ASTN2: variants seen among roughly 807,000 people sequenced by gnomAD.
The protein encoded by ASTN2 is astrotactin 2.
Under a neutral mutation model 139.8 loss-of-function variants are expected in ASTN2, and 54 were observed. The observed-to-expected ratio is 0.39, with a 90% CI of 0.31 to 0.48. The LOEUF (loss-of-function observed/expected upper bound fraction) is 0.48, where lower values mean the gene tolerates loss of function less well. ASTN2 is among the 20% of genes least tolerant of loss of function. ASTN2 has a pLI of 0.95. For synonymous variants in ASTN2, 756 were observed against 719.5 expected (o/e 1.05, Z -0.81); for missense variants, 1,565 against 1,725.1 (o/e 0.91, Z 1.64).
At chr9:116,662,117 G>A (rs1337474106) in intron 16 of ASTN2, among the ~76,000 whole-genome samples, 2 of 152,030 alleles carry the variant, frequency 1.3e-5, no homozygotes, top group Non-Finnish European at 2.9e-5. Context: ...TCCTGCAATT[G>A]AGTACAAGTA....
At chr9:116,812,572 A>C (rs1482687309) in intron 12 of ASTN2, among the ~76,000 whole-genome samples, 7 of 152,208 alleles carry the variant, frequency 4.6e-5, no homozygotes, top group African/African-American at 1.4e-4. Flanking sequence ...TGAGAACTGT[A>C]AAATAAAGTG....
chr9:117,398,314 G>C (rs182788603), intron 1 of ASTN2, among the ~76,000 whole-genome samples: 1 of 152,238 alleles, frequency 6.6e-6, no homozygotes, highest in Admixed American at 6.5e-5. Context: ...CCAATATATT[G>C]TACATGGAGA....
At chr9:117,214,851 A>C in intron 2 of ASTN2, 109 bp from the exon 3 acceptor site, 75 of 1,232,376 alleles carry the variant, frequency 6.1e-5, no homozygotes, top group South Asian at 1.0e-4. Flanking sequence ...GGTTTGGCTC[A>C]TAGAGCCTCA....
At position 116,926,315 on chromosome 9, in the gene ASTN2, T is replaced by C. The variant is rs75475120; in HGVS notation, c.1889+48893A>G. Reference sequence around the variant, plus strand: ...GATTTCAATAATTTATGCAGTTCCCTTAATCGTTGCCACCCCCTGCCACTG... The same window carrying C: ...GATTTCAATAATTTATGCAGTTCCCCTAATCGTTGCCACCCCCTGCCACTG... On this transcript the variant is annotated intron_variant, in intron 10 of 22. Coordinates refer to ENST00000313400, the MANE Select transcript of ASTN2 (RefSeq NM_001365068.1). Among the ~76,000 whole-genome samples, 612 of 152,356 alleles carry C rather than the reference T, an allele frequency of 4.0e-3. 35 individuals are homozygous for C. In the East Asian group the frequency reaches 0.095, roughly 24 times the overall value.
intron 3 of ASTN2, among the ~76,000 whole-genome samples, chr9:117,166,049 C>A (rs1235742638): frequency 6.6e-6 from 1 of 151,934 alleles, no homozygotes; most frequent in African/African-American, 2.4e-5. Context: ...AATAATCCTG[C>A]TTATTAGTAA....
chr9:117,185,887 G>A (rs114686350), intron 3 of ASTN2, among the ~76,000 whole-genome samples: 135 of 152,316 alleles, frequency 8.9e-4, no homozygotes, highest in African/African-American at 3.1e-3. Flanking sequence ...TGAGCCAATT[G>A]CTGTTATATC....
intron 11 of ASTN2, among the ~76,000 whole-genome samples, chr9:116,834,165 A>G (rs1019384406): frequency 6.6e-6 from 1 of 152,226 alleles, no homozygotes; most frequent in Non-Finnish European, 1.5e-5. Flanking sequence ...CACACTCCAT[A>G]CAATTTGAAT....
chr9:117,076,693 TGGAG>T (rs951254578), intron 5 of ASTN2, among the ~76,000 whole-genome samples: 6 of 151,600 alleles, frequency 4.0e-5, no homozygotes, highest in African/African-American at 1.5e-4. Context: ...GCAGCGGGGG[TGGAG>T]GGAGAGAGCA....
chr9:117,116,510 CTT>C (rs1197551315), intron 4 of ASTN2, among the ~76,000 whole-genome samples: 1 of 151,688 alleles, frequency 6.6e-6, no homozygotes, highest in Non-Finnish European at 1.5e-5. Context: ...CAACTGCTAA[CTT>C]GAATAATCTT....
chr9:116,734,213 G>C (rs779679325), intron 13 of ASTN2, among the ~76,000 whole-genome samples: 16 of 152,084 alleles, frequency 1.1e-4, no homozygotes, highest in Admixed American at 1.3e-4. Flanking sequence ...TCTTTCCCTT[G>C]CTCTAACTTC....
Position 116,699,316 on chromosome 9 carries a change from G to A in ASTN2, c.2806+26455C>T. 6.2e-7 allele frequency: 1 copy of A among 1,614,166 alleles called. No homozygotes were observed. The highest frequency in any genetic ancestry group is 1.1e-5 in the South Asian group (1 of 91,078). ...AAATTTGTCACCTGTGATGCTGAGG[G>A]CACCGTCTACTTCACCCAGGGCTTA... On this transcript the variant is annotated intron_variant, in intron 16 of 22. Transcript: ENST00000313400. The surrounding 1 kb of genome is among the most constrained non-coding windows in gnomAD (Gnocchi z 4.2).
At chr9:117,041,722 C>T (rs1001667192) in intron 5 of ASTN2, among the ~76,000 whole-genome samples, 2 of 152,204 alleles carry the variant, frequency 1.3e-5, no homozygotes, top group Non-Finnish European at 2.9e-5. Context: ...TCCCAACACT[C>T]ATACCTCCTG....
At chr9:116,966,806 A>G (rs778626207) in intron 10 of ASTN2, among the ~76,000 whole-genome samples, 1 of 151,840 alleles carries the variant, frequency 6.6e-6, no homozygotes, top group Non-Finnish European at 1.5e-5. Flanking sequence ...CCCCTTCCCC[A>G]TTTGATATTT....
At chr9:117,351,112 A>C (rs1391882663) in intron 1 of ASTN2, among the ~76,000 whole-genome samples, 2 of 152,334 alleles carry the variant, frequency 1.3e-5, no homozygotes, top group South Asian at 4.1e-4. Flanking sequence ...AGGAAAAGAT[A>C]TGGGCAACTG....
chr9:116,848,337 A>G (rs919895543), intron 11 of ASTN2, among the ~76,000 whole-genome samples: 4 of 152,224 alleles, frequency 2.6e-5, no homozygotes, highest in African/African-American at 9.6e-5. Flanking sequence ...GATCAAGTGC[A>G]GGGAGGTATT....
chr9:117,105,259 GC>G (rs1463280191), intron 4 of ASTN2, among the ~76,000 whole-genome samples: 1 of 152,112 alleles, frequency 6.6e-6, no homozygotes, highest in Admixed American at 6.6e-5. Flanking sequence ...AAGCAATAAA[GC>G]TTTTGTCTGG....
chr9:116,672,717 T>C (rs1049407063), intron 16 of ASTN2, among the ~76,000 whole-genome samples: 7 of 152,194 alleles, frequency 4.6e-5, no homozygotes, highest in African/African-American at 1.7e-4. Context: ...AAGTTAGTTG[T>C]CCAAAGTTAT....
At chr9:117,164,513 C>T (rs571348855) in intron 3 of ASTN2, among the ~76,000 whole-genome samples, 16 of 152,184 alleles carry the variant, frequency 1.1e-4, no homozygotes, top group African/African-American at 3.4e-4. Flanking sequence ...AGATCAATAG[C>T]TATTAAATCA....
intron 10 of ASTN2, among the ~76,000 whole-genome samples, chr9:116,880,182 C>T (rs1345504713): frequency 6.6e-6 from 1 of 152,130 alleles, no homozygotes; most frequent in Non-Finnish European, 1.5e-5. Flanking sequence ...TGCTAACACA[C>T]CTATGTTTGT....
Sources: gnomAD v4.1 joint callset for allele counts (sites outside exome capture counted in the v4.1 genomes callset) on GRCh38, gnomAD v4.1.1 for gene constraint, Gnocchi (gnomAD v3.1) non-coding constraint, MANE v1.5 for transcripts, NCBI Gene and HGNC (gene_info 2026-07-23, HGNC 2026-07-21) for gene names.